THRB: variants seen among roughly 807,000 people sequenced by gnomAD.
THRB encodes the protein thyroid hormone receptor beta.
THRB carries 12 observed loss-of-function variants against 47.8 expected under a neutral mutation model. The observed-to-expected ratio is 0.25, with a 90% CI of 0.16 to 0.41. The LOEUF (loss-of-function observed/expected upper bound fraction) is 0.41. Among genes scored for constraint, THRB ranks in the 10% least tolerant of loss-of-function variants. THRB has a pLI of 1.00. For missense variants in THRB, 348 were observed against 589.2 expected (o/e 0.59, Z 4.24); for synonymous variants, 218 against 212.2 (o/e 1.03, Z -0.24).
intron 2 of THRB, among the ~76,000 whole-genome samples, chr3:24,325,214 C>T (rs1278294543): frequency 6.6e-6 from 1 of 152,166 alleles, no homozygotes; most frequent in East Asian, 1.9e-4. Context: ...AAGCTTATTA[C>T]TACATGGTGG....
At chr3:24,420,915 A>G (rs1047695910) in intron 1 of THRB, among the ~76,000 whole-genome samples, 32 of 152,004 alleles carry the variant, frequency 2.1e-4, no homozygotes, top group African/African-American at 7.5e-4. Flanking sequence ...TCATTGCAGC[A>G]CTATTCACAA....
intron 9 of THRB, 45 bp downstream of exon 9, chr3:24,133,271 A>C (rs749081604): frequency 6.2e-7 from 1 of 1,605,366 alleles, no homozygotes; most frequent in Admixed American, 1.7e-5. Context: ...GAAACTGATG[A>C]AACTATAATT....
At chr3:24,383,984 T>C (rs935759041) in intron 1 of THRB, among the ~76,000 whole-genome samples, 1 of 152,158 alleles carries the variant, frequency 6.6e-6, no homozygotes, top group Non-Finnish European at 1.5e-5. Context: ...TTCTTGAAAT[T>C]AATAACTTAA....
At chr3:24,292,195 C>T (rs2055996089) in intron 3 of THRB, among the ~76,000 whole-genome samples, 1 of 151,970 alleles carries the variant, frequency 6.6e-6, no homozygotes, top group Admixed American at 6.6e-5. Flanking sequence ...GTAAGGTATA[C>T]AAGAAAATGA....
At position 24,133,473 on chromosome 3, in the gene THRB, GAAAA is replaced by G. The variant is rs750223246; in HGVS notation, c.739-15_739-12del. 1 of 1,613,512 alleles carries G rather than the reference GAAAA, an allele frequency of 6.2e-7. No homozygotes were observed. Among genetic ancestry groups the G allele is most frequent in the Non-Finnish European group, 8.5e-7 (1 of 1,179,532 alleles). On this transcript the variant is annotated splice_polypyrimidine_tract_variant and intron_variant, in intron 8 of 10. Coordinates refer to ENST00000646209, the MANE Select transcript of THRB (RefSeq NM_001354712.2). ...TCCAATGTCTTCTGGCTAAGGAGGA[GAAAA>G]AAGAAAGATTTAAATGAAGAAGTTG... is the stretch of plus-strand genomic sequence containing the variant.
At chr3:24,228,417 C>A (rs188733125) in intron 4 of THRB, among the ~76,000 whole-genome samples, 1 of 152,082 alleles carries the variant, frequency 6.6e-6, no homozygotes, top group African/African-American at 2.4e-5. Context: ...AAAATATACA[C>A]TTTCTGTGGT....
chr3:24,246,752 T>C (rs1343925751), intron 3 of THRB, among the ~76,000 whole-genome samples: 3 of 152,176 alleles, frequency 2.0e-5, no homozygotes, highest in Non-Finnish European at 2.9e-5. Flanking sequence ...ATAGTTTTTA[T>C]AGGTGTAATT....
At chr3:24,143,073 T>A (rs2035648217) in intron 8 of THRB, among the ~76,000 whole-genome samples, 1 of 152,152 alleles carries the variant, frequency 6.6e-6, no homozygotes. Flanking sequence ...CATAAAAATA[T>A]ACTTGAGGCC....
At chr3:24,186,695 C>T (rs1473392673) in intron 5 of THRB, among the ~76,000 whole-genome samples, 1 of 152,084 alleles carries the variant, frequency 6.6e-6, no homozygotes, top group Non-Finnish European at 1.5e-5. Context: ...CCTGTAATCT[C>T]ACCACTTTGG....
At chr3:24,207,584 A>G (rs1266398612) in intron 4 of THRB, among the ~76,000 whole-genome samples, 1 of 152,120 alleles carries the variant, frequency 6.6e-6, no homozygotes, top group African/African-American at 2.4e-5. Flanking sequence ...AACCCATCAC[A>G]TTACCCAGCT....
intron 3 of THRB, among the ~76,000 whole-genome samples, chr3:24,247,563 C>T (rs2050226686): frequency 6.6e-6 from 1 of 152,204 alleles, no homozygotes; most frequent in Admixed American, 6.5e-5. Context: ...AACTTGACTG[C>T]ATCTTGCAAG....
chr3:24,345,536 T>A (rs1222458325), intron 1 of THRB, among the ~76,000 whole-genome samples: 1 of 152,150 alleles, frequency 6.6e-6, no homozygotes, highest in Non-Finnish European at 1.5e-5. Flanking sequence ...TCAAGTTCCG[T>A]AATAGGACAA....
intron 1 of THRB, among the ~76,000 whole-genome samples, chr3:24,485,177 C>A (rs1697103404): frequency 6.6e-6 from 1 of 152,158 alleles, no homozygotes; most frequent in South Asian, 2.1e-4. Flanking sequence ...CATGTACATA[C>A]AATGGCAGAG....
intron 1 of THRB, among the ~76,000 whole-genome samples, chr3:24,379,706 C>A (rs192831276): frequency 2.5e-3 from 385 of 152,160 alleles, no homozygotes; most frequent in Non-Finnish European, 4.4e-3. Flanking sequence ...AAAAGTGATG[C>A]GTGACACCTA....
chr3:24,454,109 C>G (rs1305268802), intron 1 of THRB, among the ~76,000 whole-genome samples: 1 of 152,006 alleles, frequency 6.6e-6, no homozygotes, highest in Non-Finnish European at 1.5e-5. Flanking sequence ...ATACAAAAAA[C>G]TCAATAGTAA....
Position 24,162,755 on chromosome 3 carries a change from A to G in THRB, c.284-10265T>C, listed in dbSNP as rs577327855. 9.1e-4 allele frequency among the ~76,000 whole-genome samples: 138 copies of G among 151,988 alleles called. 1 individual carries two copies. The highest frequency in any genetic ancestry group is 1.6e-3 in the Non-Finnish European group (112 of 68,012). On this transcript the variant is annotated intron_variant, in intron 5 of 10. Coordinates refer to ENST00000646209, the MANE Select transcript of THRB (RefSeq NM_001354712.2). ...CTAAAAGTTATTCTAAAGTCTACCA[A>G]TTAAGATAACCATTCTTAACATTGG...
At chr3:24,355,180 A>C (rs62255387) in intron 1 of THRB, among the ~76,000 whole-genome samples, 1,763 of 152,240 alleles carry the variant, frequency 0.012, 7 homozygotes, top group Non-Finnish European at 0.018. Context: ...AGGACATGAG[A>C]TCATTAATGT....
chr3:24,431,410 A>C (rs2070409711), intron 1 of THRB, among the ~76,000 whole-genome samples: 1 of 152,106 alleles, frequency 6.6e-6, no homozygotes, highest in Admixed American at 6.6e-5. Flanking sequence ...GTCGAACCTC[A>C]TTAGAAATCA....
intron 7 of THRB, among the ~76,000 whole-genome samples, chr3:24,146,026 A>G (rs1383847617): frequency 1.3e-5 from 2 of 152,288 alleles, no homozygotes; most frequent in Admixed American, 6.5e-5. Flanking sequence ...AAGAGACCCC[A>G]AGGGCTAATC....
Sources: allele counts gnomAD v4.1 joint callset (sites outside exome capture counted in the v4.1 genomes callset), GRCh38; gene constraint gnomAD v4.1.1; transcripts MANE v1.5; gene names NCBI Gene and HGNC (gene_info 2026-07-23, HGNC 2026-07-21).